The following GSG1L variants were observed in gnomAD, a reference collection of about 807,000 sequenced individuals.
GSG1L encodes the protein germ cell-specific gene 1-like protein.
In GSG1L, 24 loss-of-function variants were observed where a neutral mutation model predicts 42.1. That is an observed-to-expected ratio of 0.57 (90% CI 0.41 to 0.80). The LOEUF is 0.80. GSG1L is among the 30% of genes least tolerant of loss of function. The probability of loss-of-function intolerance (pLI) is 0.00; values close to 1 mark genes in which losing one functional copy is unlikely to be tolerated. For synonymous variants in GSG1L, 215 were observed against 203.5 expected (o/e 1.06, Z -0.48); for missense variants, 445 against 472.2 (o/e 0.94, Z 0.53).
chr16:27,983,265 T>C (rs1214012822), intron 1 of GSG1L, among the ~76,000 whole-genome samples: 1 of 151,838 alleles, frequency 6.6e-6, no homozygotes, highest in Non-Finnish European at 1.5e-5. Flanking sequence ...AGCCCAGGAG[T>C]TTGAGGCTGC....
intron 2 of GSG1L, among the ~76,000 whole-genome samples, chr16:27,930,160 C>T (rs4787437): frequency 0.18 from 27,900 of 151,730 alleles, 3,062 homozygotes; most frequent in East Asian, 0.32. Context: ...TCCTAGCAGC[C>T]GATTGACTTA....
At chr16:28,012,949 G>C (rs2085739225) in intron 1 of GSG1L, among the ~76,000 whole-genome samples, 1 of 151,250 alleles carries the variant, frequency 6.6e-6, no homozygotes, top group South Asian at 2.1e-4. Context: ...AAGTGCCCAG[G>C]TGCAGTGGCT....
chr16:27,957,240 G>A lies in GSG1L; in HGVS notation c.397+5916C>T, dbSNP rs142717587. On this transcript the variant is annotated intron_variant, in intron 2 of 6. Transcript: ENST00000447459. Reference sequence around the variant, plus strand: ...CACACGCCTGCAGTCCCAGCTACTCGGGAGGCTGAGTCACGAGAATCACTT... The same window carrying A: ...CACACGCCTGCAGTCCCAGCTACTCAGGAGGCTGAGTCACGAGAATCACTT... Among the ~76,000 whole-genome samples the A allele has an allele frequency of 5.5e-3, 830 of 152,224 alleles. 4 individuals are homozygous for A. The highest frequency in any genetic ancestry group is 9.1e-3 in the Non-Finnish European group (619 of 68,022).
At chr16:27,948,800 G>C (rs1014781092) in intron 2 of GSG1L, among the ~76,000 whole-genome samples, 1 of 150,538 alleles carries the variant, frequency 6.6e-6, no homozygotes, top group African/African-American at 2.4e-5. Context: ...TAGTAGAGAC[G>C]GGGTTTCATC....
intron 4 of GSG1L, among the ~76,000 whole-genome samples, chr16:27,844,638 A>T (rs1231260118): frequency 6.6e-6 from 1 of 152,224 alleles, no homozygotes; most frequent in Non-Finnish European, 1.5e-5. Context: ...TTTGAATTTC[A>T]TGTAATTTTC....
At chr16:28,044,467 G>A (rs2086141456) in intron 1 of GSG1L, among the ~76,000 whole-genome samples, 1 of 152,120 alleles carries the variant, frequency 6.6e-6, no homozygotes, top group African/African-American at 2.4e-5. Flanking sequence ...CATGTTTATA[G>A]CAGCTTGATT....
Position 27,963,136 on chromosome 16 carries a change from T to C in GSG1L, c.397+20A>G. On this transcript the variant is annotated intron_variant, in intron 2 of 6. Transcript: ENST00000447459. ...CCAGAGAGAGCAGAGCTGCCACAGC[T>C]CAGCTGGGGTCACACTCACCTTTCT... 6.2e-7 allele frequency: 1 copy of C among 1,608,506 alleles called. No homozygotes were observed. The highest frequency in any genetic ancestry group is 8.5e-7 in the Non-Finnish European group (1 of 1,175,076).
chr16:27,985,923 C>T (rs1184632020), intron 1 of GSG1L, among the ~76,000 whole-genome samples: 1 of 152,136 alleles, frequency 6.6e-6, no homozygotes, highest in African/African-American at 2.4e-5. Context: ...GTGCCACTCA[C>T]CCCCTTTTTG....
chr16:27,833,391 T>C (rs925625754), intron 4 of GSG1L, among the ~76,000 whole-genome samples: 1 of 152,208 alleles, frequency 6.6e-6, no homozygotes, highest in African/African-American at 2.4e-5. Flanking sequence ...GTCTGGAGTA[T>C]TGTAGCTATA....
chr16:27,956,688 A>G (rs1277363177), intron 2 of GSG1L, among the ~76,000 whole-genome samples: 1 of 152,106 alleles, frequency 6.6e-6, no homozygotes, highest in Non-Finnish European at 1.5e-5. Flanking sequence ...CCAAGCACCT[A>G]CTATCCCCTC....
At chr16:27,827,537 C>G (rs1311610769) in intron 5 of GSG1L, among the ~76,000 whole-genome samples, 1 of 152,016 alleles carries the variant, frequency 6.6e-6, no homozygotes, top group Non-Finnish European at 1.5e-5. Flanking sequence ...CCCATAGGAG[C>G]AGTTCTGGGT....
chr16:27,813,591 G>A (rs944670175), intron 5 of GSG1L, among the ~76,000 whole-genome samples: 25 of 152,228 alleles, frequency 1.6e-4, no homozygotes, highest in Non-Finnish European at 1.0e-4. Flanking sequence ...TTTCTATGAC[G>A]CAGTGTTGCC....
At chr16:27,944,601 G>A (rs1416506956) in intron 2 of GSG1L, among the ~76,000 whole-genome samples, 3 of 147,844 alleles carry the variant, frequency 2.0e-5, no homozygotes, top group Admixed American at 2.0e-4. Context: ...CAGCCTGGGT[G>A]ACAGAGTGAG....
At chr16:28,048,716 T>C (rs2086191109) in intron 1 of GSG1L, among the ~76,000 whole-genome samples, 1 of 152,238 alleles carries the variant, frequency 6.6e-6, no homozygotes, top group East Asian at 1.9e-4. Flanking sequence ...ACTGCACTCA[T>C]AGGATATGGC....
chr16:28,054,263 C>T (rs1319226573), intron 1 of GSG1L, among the ~76,000 whole-genome samples: 1 of 152,210 alleles, frequency 6.6e-6, no homozygotes, highest in African/African-American at 2.4e-5. Flanking sequence ...CTACCTCCAT[C>T]ACCTCCCATC....
intron 2 of GSG1L, among the ~76,000 whole-genome samples, chr16:27,942,386 G>GGTC (rs2084810639): frequency 1.0e-4 from 15 of 150,320 alleles, no homozygotes; most frequent in Admixed American, 1.3e-4. Flanking sequence ...CTGACCTCAG[G>GGTC]TGATCCACTT....
In GSG1L at chr16:27,884,674, G is replaced by A. The variant is rs773551704; in HGVS notation, c.398-36C>T. On this transcript the variant is annotated intron_variant, in intron 2 of 6. Transcript: ENST00000447459. This position sits in a 1 kb window ranked among gnomAD's most constrained non-coding sequence, Gnocchi z 4.4. ...GAGGCAGAGAGGCCGTGAGATGAGG[G>A]GCCACCCAAGATAGACTCACCCTGT... 1.3e-5 allele frequency: 20 copies of A among 1,548,492 alleles called. No homozygotes were observed. The highest frequency in any genetic ancestry group is 2.4e-5 in the East Asian group (1 of 41,032).
At chr16:27,957,214 G>A (rs2085016024) in intron 2 of GSG1L, among the ~76,000 whole-genome samples, 1 of 152,134 alleles carries the variant, frequency 6.6e-6, no homozygotes, top group African/African-American at 2.4e-5. Context: ...GGATGTGGTG[G>A]CACACGCCTG....
chr16:28,043,512 C>T (rs1053588812), intron 1 of GSG1L, among the ~76,000 whole-genome samples: 1 of 152,206 alleles, frequency 6.6e-6, no homozygotes, highest in Non-Finnish European at 1.5e-5. Context: ...GGACAGAAAG[C>T]AATTCCATAA....
Sources: gnomAD v4.1 joint callset for allele counts (sites outside exome capture counted in the v4.1 genomes callset) on GRCh38, gnomAD v4.1.1 for gene constraint, Gnocchi (gnomAD v3.1) non-coding constraint, MANE v1.5 for transcripts, NCBI Gene and HGNC (gene_info 2026-07-23, HGNC 2026-07-21) for gene names.